INPP5B: variants seen among roughly 807,000 people sequenced by gnomAD.
The protein encoded by INPP5B is type II inositol 1,4,5-trisphosphate 5-phosphatase.
INPP5B carries 90 observed loss-of-function variants against 118.5 expected under a neutral mutation model. That is an observed-to-expected ratio of 0.76 (90% confidence interval 0.64 to 0.90). The LOEUF (loss-of-function observed/expected upper bound fraction) is 0.90, where lower values mean the gene tolerates loss of function less well. Among genes scored for constraint, INPP5B ranks in the 40% least tolerant of loss-of-function variants. INPP5B has a pLI of 0.00. For missense variants in INPP5B, 984 were observed against 1,125.6 expected (o/e 0.87, Z 1.80); for synonymous variants, 385 against 418.9 (o/e 0.92, Z 0.99).
intron 7 of INPP5B, among the ~76,000 whole-genome samples, chr1:37,913,710 G>A (rs1241706250): frequency 6.6e-6 from 1 of 151,698 alleles, no homozygotes; most frequent in Non-Finnish European, 1.5e-5. Context: ...TCTCCACATC[G>A]CCCCTAAAAA....
At chr1:37,927,241 G>A (rs1368984978) in intron 7 of INPP5B, among the ~76,000 whole-genome samples, 1 of 152,088 alleles carries the variant, frequency 6.6e-6, no homozygotes, top group Non-Finnish European at 1.5e-5. Context: ...GTTGCAGTGA[G>A]CCAAGATCGT....
At chr1:37,901,712 C>T (rs1278132095) in intron 7 of INPP5B, among the ~76,000 whole-genome samples, 1 of 152,132 alleles carries the variant, frequency 6.6e-6, no homozygotes, top group Non-Finnish European at 1.5e-5. Flanking sequence ...GGGGGATTTC[C>T]AGCCACAGGG....
chr1:37,900,810 TTTTG>T (rs1278845524), intron 7 of INPP5B, among the ~76,000 whole-genome samples: 6 of 150,692 alleles, frequency 4.0e-5, no homozygotes, highest in East Asian at 2.0e-4. Flanking sequence ...TGTTTTCGGT[TTTTG>T]TTTGTTTTTT....
Position 37,895,519 on chromosome 1 carries a change from AGTCTCCCTCTCCCTCTCTTTCCACG to A in INPP5B, c.533-4090_533-4066del, listed in dbSNP as rs1200070173. ...TCCCCCTCCCTCTCTCTCTCCCCAC[AGTCTCCCTCTCCCTCTCTTTCCACG>A]GTCTCCCTCTGATGCCGAGCCGAAG... On this transcript the variant is annotated intron_variant, in intron 7 of 23. Transcript: ENST00000373024. Among the ~76,000 whole-genome samples, 14 of 131,474 alleles carry A rather than the reference AGTCTCCCTCTCCCTCTCTTTCCACG, an allele frequency of 1.1e-4. No individual in the cohort carries two copies. In the South Asian group the frequency reaches 1.3e-3, roughly 12 times the overall value. The allele number at this position is 131,474 out of a possible 152,430, so 86.3% of individuals were successfully genotyped here.
Position 37,889,728 on chromosome 1 carries a change from GA to G in INPP5B, c.630-5del. On this transcript the variant is annotated splice_polypyrimidine_tract_variant and splice_region_variant and intron_variant, in intron 8 of 23. Transcript: ENST00000373024. ...TTCGGACTTGGATTTATTCTGTCTGGAAAAACAGAAGTATTTTTTTCATATG... is the reference window on the plus strand; with the variant it reads ...TTCGGACTTGGATTTATTCTGTCTGGAAAACAGAAGTATTTTTTTCATATG... The G allele has an allele frequency of 6.2e-7, 1 of 1,601,574 alleles. No homozygotes were observed. Among genetic ancestry groups the G allele is most frequent in the South Asian group, 1.1e-5 (1 of 89,008 alleles).
intron 7 of INPP5B, chr1:37,931,510 C>G (rs148534589): frequency 1.3e-6 from 2 of 1,535,150 alleles, no homozygotes; most frequent in African/African-American, 1.4e-5. Context: ...AAGAACATCA[C>G]AGAACTTCTG....
chr1:37,938,295 A>AAATCAATC (rs1553162612), intron 6 of INPP5B, among the ~76,000 whole-genome samples: 2,658 of 151,248 alleles, frequency 0.018, 42 homozygotes, highest in Middle Eastern at 0.034. Flanking sequence ...ATAAATAAAT[A>AAATCAATC]AATAAATAAA....
At chr1:37,868,425 G>T in intron 20 of INPP5B, 76 bp downstream of exon 20, 1 of 912,826 alleles carries the variant, frequency 1.1e-6, no homozygotes, top group South Asian at 1.3e-5. Flanking sequence ...GTTTCCTTAT[G>T]AAAAAAGTTC....
At chr1:37,877,899 C>T (rs1370886314) in intron 16 of INPP5B, among the ~76,000 whole-genome samples, 1 of 152,082 alleles carries the variant, frequency 6.6e-6, no homozygotes, top group Non-Finnish European at 1.5e-5. Flanking sequence ...GGAAAAATAT[C>T]CTCAATGTTG....
In INPP5B at chr1:37,912,945, C is replaced by T. The variant is rs563005448; in HGVS notation, c.532+18968G>A. 5.6e-5 allele frequency among the ~76,000 whole-genome samples: 5 copies of T among 88,954 alleles called. No homozygotes were observed. The East Asian group carries it at 1.6e-3, about 28-fold the overall frequency. 58.4% of individuals were successfully genotyped at this position (88,954 alleles called of 152,430 possible). A position where few individuals can be genotyped will look rare whatever the true frequency, so the allele number is the denominator to read the frequency against. ...AATCACAGAGGCCTCGACTTACTCA[C>T]TGCTAAAAAAAAAAAAAAAGGGGGA... On this transcript the variant is annotated intron_variant, in intron 7 of 23. Coordinates refer to ENST00000373024, the MANE Select transcript of INPP5B (RefSeq NM_005540.3).
chr1:37,896,597 T>TG (rs1351344638), intron 7 of INPP5B, among the ~76,000 whole-genome samples: 21 of 114,890 alleles, frequency 1.8e-4, no homozygotes, highest in East Asian at 1.7e-3. Flanking sequence ...GGGAAGGAGG[T>TG]GGGGGGGTCA....
chr1:37,921,493 T>G (rs1645051499), intron 7 of INPP5B, among the ~76,000 whole-genome samples: 1 of 152,230 alleles, frequency 6.6e-6, no homozygotes, highest in Non-Finnish European at 1.5e-5. Context: ...TTTTCATTTC[T>G]TTTACATTTC....
At chr1:37,909,586 C>T (rs1644615950) in intron 7 of INPP5B, among the ~76,000 whole-genome samples, 1 of 152,126 alleles carries the variant, frequency 6.6e-6, no homozygotes, top group Non-Finnish European at 1.5e-5. Context: ...AATATGAAAA[C>T]CCAGCCCAGT....
chr1:37,902,711 C>T (rs1027275688), intron 7 of INPP5B, among the ~76,000 whole-genome samples: 3 of 152,164 alleles, frequency 2.0e-5, no homozygotes, highest in Non-Finnish European at 4.4e-5. Flanking sequence ...GCATGTGCCA[C>T]CACACCCAGC....
At chr1:37,871,106 C>T (rs1249865433) in intron 19 of INPP5B, among the ~76,000 whole-genome samples, 2 of 149,122 alleles carry the variant, frequency 1.3e-5, no homozygotes, top group Non-Finnish European at 3.0e-5. Context: ...TGCAGTGAGC[C>T]CAGATCGTGC....
At chr1:37,895,137 A>G (rs1004519262) in intron 7 of INPP5B, among the ~76,000 whole-genome samples, 3 of 152,234 alleles carry the variant, frequency 2.0e-5, no homozygotes, top group African/African-American at 7.2e-5. Flanking sequence ...ATCTGTTAGA[A>G]TGACTGAAAT....
At chr1:37,926,219 C>T (rs1645222520) in intron 7 of INPP5B, among the ~76,000 whole-genome samples, 3 of 152,146 alleles carry the variant, frequency 2.0e-5, no homozygotes, top group South Asian at 2.1e-4. Context: ...GACTTTAATA[C>T]TTTGTTTCCT....
Position 37,880,072 on chromosome 1 carries a change from A to G in INPP5B, c.1541+13T>C. On this transcript the variant is annotated intron_variant, in intron 15 of 23. Coordinates refer to ENST00000373024, the MANE Select transcript of INPP5B (RefSeq NM_005540.3). ...TCCGTTTGCTCAACCCTTTGAAGCAACCTCTGACCTACCTGGTATCCCAGT... is the reference window on the plus strand; with the variant it reads ...TCCGTTTGCTCAACCCTTTGAAGCAGCCTCTGACCTACCTGGTATCCCAGT... 2 of 1,576,072 alleles carry G rather than the reference A, an allele frequency of 1.3e-6. No homozygotes were observed. Among genetic ancestry groups the G allele is most frequent in the South Asian group, 1.1e-5 (1 of 88,488 alleles).
chr1:37,908,085 C>T (rs1644558594), intron 7 of INPP5B, among the ~76,000 whole-genome samples: 1 of 152,068 alleles, frequency 6.6e-6, no homozygotes, highest in African/African-American at 2.4e-5. Context: ...ATGATAATCC[C>T]ACCAACCTTT....
Sources: allele counts gnomAD v4.1 joint callset (sites outside exome capture counted in the v4.1 genomes callset), GRCh38; gene constraint gnomAD v4.1.1; transcripts MANE v1.5; gene names NCBI Gene and HGNC (gene_info 2026-07-23, HGNC 2026-07-21).